Variants in PIK3R6 observed in about 807,000 individuals in gnomAD.
PIK3R6 encodes the protein phosphoinositide 3-kinase regulatory subunit 6.
PIK3R6 carries 91 observed loss-of-function variants against 84.9 expected under a neutral mutation model. That is an observed-to-expected ratio of 1.07 (90% CI 0.90 to 1.28). The LOEUF is 1.28. PIK3R6 is among the 50% of genes most tolerant of loss of function. The pLI, the probability that PIK3R6 is intolerant of heterozygous loss-of-function variation, is 0.00. For missense variants in PIK3R6, 996 were observed against 985.1 expected, an observed-to-expected ratio of 1.01 and a Z score of -0.15; for synonymous variants, 416 against 411.4, an observed-to-expected ratio of 1.01 and a Z score of -0.13.
chr17:8,853,484 CAAAA>C (rs56939877), intron 1 of PIK3R6, among the ~76,000 whole-genome samples: 1 of 104,462 alleles, frequency 9.6e-6, no homozygotes, highest in African/African-American at 3.4e-5. Context: ...GACTCCATCT[CAAAA>C]AAAAAAAAAA....
At chr17:8,823,332 G>A (rs978818090) in intron 14 of PIK3R6, 55 bp downstream of exon 14, 5 of 1,318,328 alleles carry the variant, frequency 3.8e-6, no homozygotes, top group Non-Finnish European at 5.4e-6. Context: ...CCAGAGCCTG[G>A]GTATTTAATC....
At position 8,803,430 on chromosome 17, in the gene PIK3R6, C is replaced by T. The variant is rs201062021; in HGVS notation, c.2109-1G>A. 7.3e-4 allele frequency: 1,162 copies of T among 1,599,784 alleles called. 12 individuals carry two copies. Among genetic ancestry groups the T allele is most frequent in the Middle Eastern group, 1.3e-3 (8 of 5,974 alleles). Reference sequence around the variant, plus strand: ...TTCTGGGCAGGGAGCAACCTCGAATCTGTGGGTGGAGAGAGACCAGCTCAG... The same window carrying T: ...TTCTGGGCAGGGAGCAACCTCGAATTTGTGGGTGGAGAGAGACCAGCTCAG... On this transcript the variant is annotated splice_acceptor_variant, in intron 19 of 19. Coordinates refer to ENST00000619866, the MANE Select transcript of PIK3R6 (RefSeq NM_001010855.4). LOFTEE classifies it high-confidence loss of function. The surrounding 1 kb of genome is among the most constrained non-coding windows in gnomAD (Gnocchi z 5.0).
chr17:8,861,481 TAGAA>T (rs2089284019), intron 1 of PIK3R6, among the ~76,000 whole-genome samples: 1 of 152,202 alleles, frequency 6.6e-6, no homozygotes, highest in Non-Finnish European at 1.5e-5. Context: ...TGAAAAATTC[TAGAA>T]AGAAATGACT....
intron 7 of PIK3R6, 117 bp downstream of exon 7, chr17:8,836,430 G>A (rs928624180): frequency 1.9e-5 from 21 of 1,078,830 alleles, no homozygotes; most frequent in Non-Finnish European, 2.9e-5. Flanking sequence ...GGCTGGGGAG[G>A]TCTGCTAGGG....
In PIK3R6 at chr17:8,828,962, T is replaced by G; in HGVS notation, c.918A>C (p.Pro306=). 6.7e-7 allele frequency: 1 copy of G among 1,500,650 alleles called. No homozygotes were observed. The highest frequency in any genetic ancestry group is 8.9e-7 in the Non-Finnish European group (1 of 1,124,836). 93.0% of individuals were successfully genotyped at this position (1,500,650 alleles called of 1,614,324 possible). ...LWKELVLFLR[P]RSQLRLSADL... is the part of the protein sequence containing the mutation. ...CAGCACTGAGGCGCAGCTGGGATCT[T>G]GGGCGGAGGAAGAGCACCAGTTCCT... is the stretch of plus-strand genomic sequence containing the variant. The change falls in exon 11 of 20, where the codon CCA becomes CCC. Residue 306 remains proline (P), a synonymous_variant. Coordinates refer to ENST00000619866, the MANE Select transcript of PIK3R6 (RefSeq NM_001010855.4).
chr17:8,843,841 G>A (rs540957530), intron 2 of PIK3R6, among the ~76,000 whole-genome samples: 1 of 152,222 alleles, frequency 6.6e-6, no homozygotes, highest in African/African-American at 2.4e-5. Context: ...AGTTCCCCAT[G>A]CCTCGGTTTC....
chr17:8,859,645 AG>A (rs2089224706), intron 1 of PIK3R6, among the ~76,000 whole-genome samples: 1 of 152,154 alleles, frequency 6.6e-6, no homozygotes, highest in Admixed American at 6.5e-5. Context: ...GAGAAGAGGG[AG>A]GAGGAAGGGC....
Position 8,838,604 on chromosome 17 carries a change from C to T in PIK3R6, c.149G>A (p.Ser50Asn). ...HKKVERDPGKSPVLVRILLRE... is the reference protein window; with the variant it reads ...HKKVERDPGKNPVLVRILLRE... The stretch of plus-strand genomic sequence containing the variant: ...GAGAAGAATGCGGACCAGCACTGGG[C>T]TCTTACCGGGATCTCGCTCGACCTT... The change falls in exon 4 of 20, where the codon AGC (serine) becomes AAC (asparagine). Residue 50 changes from serine to asparagine, a missense_variant. Physicochemically the swap from Ser to Asn is conservative, Grantham distance 46. Transcript: ENST00000619866. The T allele has an allele frequency of 1.9e-6, 3 of 1,607,360 alleles. No homozygotes were observed. The highest frequency in any genetic ancestry group is 1.7e-6 in the Non-Finnish European group (2 of 1,176,940).
At position 8,829,758 on chromosome 17, in the gene PIK3R6, G is replaced by A; in HGVS notation, c.837C>T (p.Pro279=). The change falls in exon 10 of 20, where the codon CCC becomes CCT. Residue 279 remains proline (P), a synonymous_variant. Coordinates refer to ENST00000619866, the MANE Select transcript of PIK3R6 (RefSeq NM_001010855.4). ...GGAAGGTGATGTAGGGGCTGGGCAG[G>A]GGAATGCTTGGTGGCCGCTCTTGGA... is the stretch of plus-strand genomic sequence containing the variant. ...DLVQERPPSI[P]LPSPYITFHL... is the part of the protein sequence containing the mutation. 1 of 1,553,032 alleles carries A rather than the reference G, an allele frequency of 6.4e-7. No homozygotes were observed. The highest frequency in any genetic ancestry group is 8.7e-7 in the Non-Finnish European group (1 of 1,148,034).
intron 6 of PIK3R6, 36 bp downstream of exon 6, chr17:8,836,755 G>C: frequency 5.0e-6 from 8 of 1,610,928 alleles, no homozygotes; most frequent in Non-Finnish European, 6.8e-6. Flanking sequence ...TGTTGGAGGT[G>C]CAGCGTGGGA....
At chr17:8,820,620 G>A (rs999699729) in intron 17 of PIK3R6, among the ~76,000 whole-genome samples, 1 of 152,204 alleles carries the variant, frequency 6.6e-6, no homozygotes, top group Non-Finnish European at 1.5e-5. Context: ...GGTAAAGAGT[G>A]TCCTGCTGTG....
intron 18 of PIK3R6, among the ~76,000 whole-genome samples, chr17:8,808,640 A>G (rs778595608): frequency 7.2e-5 from 11 of 152,238 alleles, no homozygotes; most frequent in African/African-American, 1.4e-4. Context: ...ACTTAGTTCA[A>G]TGCAGGAGTC....
intron 1 of PIK3R6, among the ~76,000 whole-genome samples, chr17:8,863,339 C>T (rs569464563): frequency 6.6e-6 from 1 of 152,188 alleles, no homozygotes; most frequent in South Asian, 2.1e-4. Flanking sequence ...ACATATCCAT[C>T]TAATACCTAT....
At chr17:8,861,196 A>AAAAG (rs1555541293) in intron 1 of PIK3R6, among the ~76,000 whole-genome samples, 6 of 151,132 alleles carry the variant, frequency 4.0e-5, no homozygotes, top group Non-Finnish European at 5.9e-5. Context: ...AAAAAAAAAA[A>AAAAG]AAAGAAAGAA....
chr17:8,807,937 G>C (rs144402217), intron 18 of PIK3R6, among the ~76,000 whole-genome samples: 3 of 152,284 alleles, frequency 2.0e-5, no homozygotes, highest in African/African-American at 7.2e-5. Flanking sequence ...ATTTGCCTGG[G>C]ACTTTCCTGG....
chr17:8,854,890 C>A (rs975431057), intron 1 of PIK3R6, among the ~76,000 whole-genome samples: 31 of 152,110 alleles, frequency 2.0e-4, no homozygotes, highest in Admixed American at 1.1e-3. Context: ...ATGACAGATA[C>A]CTTTAACAAA....
chr17:8,818,297 G>T (rs1484855995), intron 18 of PIK3R6, among the ~76,000 whole-genome samples: 1 of 152,190 alleles, frequency 6.6e-6, no homozygotes, highest in Non-Finnish European at 1.5e-5. Flanking sequence ...GCTAAGTGGG[G>T]AAGTGAAGTC....
At chr17:8,864,901 A>G (rs1270745266) in intron 1 of PIK3R6, among the ~76,000 whole-genome samples, 5 of 152,164 alleles carry the variant, frequency 3.3e-5, no homozygotes, top group African/African-American at 1.2e-4. Flanking sequence ...ATGAATTGGG[A>G]TTCAGAGAGC....
At chr17:8,867,364 C>G (rs548337269) in intron 1 of PIK3R6, among the ~76,000 whole-genome samples, 165 bp downstream of exon 1, 2 of 152,310 alleles carry the variant, frequency 1.3e-5, no homozygotes, top group South Asian at 4.1e-4. Flanking sequence ...TCTGAGGTCA[C>G]CCTTCTCAGA....
Sources: allele counts gnomAD v4.1 joint callset (sites outside exome capture counted in the v4.1 genomes callset), GRCh38; gene constraint gnomAD v4.1.1; non-coding constraint Gnocchi (gnomAD v3.1); transcripts MANE v1.5; gene names NCBI Gene and HGNC (gene_info 2026-07-23, HGNC 2026-07-21).